The following ELP3 variants were observed in gnomAD, a reference collection of about 807,000 sequenced individuals.
The protein encoded by ELP3 is elongator complex protein 3.
In ELP3, 56 loss-of-function variants were observed where a neutral mutation model predicts 74.9. That is an observed-to-expected ratio of 0.75 (90% confidence interval 0.60 to 0.93). The LOEUF is 0.93. Among genes scored for constraint, ELP3 ranks in the 40% least tolerant of loss-of-function variants. The pLI is 0.00. For synonymous variants in ELP3, 222 were observed against 239.8 expected, an observed-to-expected ratio of 0.93 and a Z score of 0.68; for missense variants, 573 against 686.5, an observed-to-expected ratio of 0.83 and a Z score of 1.85.
intron 11 of ELP3, among the ~76,000 whole-genome samples, chr8:28,157,440 T>A (rs1019416673): frequency 6.6e-6 from 1 of 152,198 alleles, no homozygotes. Context: ...ATTGATCATC[T>A]TCGTCTGCTG....
At chr8:28,122,229 A>G (rs962985920) in intron 7 of ELP3, among the ~76,000 whole-genome samples, 1 of 152,186 alleles carries the variant, frequency 6.6e-6, no homozygotes, top group African/African-American at 2.4e-5. Context: ...CTGTGTTCAT[A>G]CAGGGTGGTG....
At chr8:28,167,528 G>A (rs1375864844) in intron 14 of ELP3, among the ~76,000 whole-genome samples, 1 of 152,096 alleles carries the variant, frequency 6.6e-6, no homozygotes, top group Non-Finnish European at 1.5e-5. Flanking sequence ...TCATAACTAC[G>A]TTTGTCTGAA....
intron 7 of ELP3, among the ~76,000 whole-genome samples, chr8:28,124,824 G>T (rs866985189): frequency 6.6e-6 from 1 of 152,090 alleles, no homozygotes; most frequent in Admixed American, 6.5e-5. Context: ...CCACCAGGTT[G>T]GTTTTTCATA....
intron 10 of ELP3, among the ~76,000 whole-genome samples, chr8:28,146,148 C>T (rs1813423016): frequency 6.6e-6 from 1 of 151,962 alleles, no homozygotes; most frequent in African/African-American, 2.4e-5. Context: ...GAACATCTTC[C>T]AGGGTGTTTT....
At chr8:28,158,485 AAATAAAG>A (rs149274779) in intron 11 of ELP3, 76 bp from the exon 12 acceptor site, 298,150 of 992,408 alleles carry the variant, frequency 0.3, 48,560 homozygotes, top group East Asian at 0.62. Flanking sequence ...GTTTAAATAA[AAATAAAG>A]ATTGAATTGG....
At chr8:28,100,711 A>G (rs1811444241) in intron 3 of ELP3, among the ~76,000 whole-genome samples, 1 of 152,274 alleles carries the variant, frequency 6.6e-6, no homozygotes, top group Non-Finnish European at 1.5e-5. Context: ...CAGAAAATTA[A>G]TTTGGATACA....
At chr8:28,101,761 T>G (rs1811498705) in intron 3 of ELP3, among the ~76,000 whole-genome samples, 1 of 152,180 alleles carries the variant, frequency 6.6e-6, no homozygotes, top group Admixed American at 6.5e-5. Context: ...AGCTAATTTT[T>G]GTATTTTCAG....
intron 10 of ELP3, among the ~76,000 whole-genome samples, chr8:28,142,992 T>G (rs1241635197): frequency 2.6e-5 from 4 of 152,230 alleles, no homozygotes; most frequent in Non-Finnish European, 4.4e-5. Context: ...TACTAAACTA[T>G]TACTCTGACT....
At chr8:28,115,906 G>T (rs1812112059) in intron 7 of ELP3, among the ~76,000 whole-genome samples, 1 of 152,164 alleles carries the variant, frequency 6.6e-6, no homozygotes, top group Admixed American at 6.5e-5. Context: ...TTTATATGGG[G>T]TGAGGGTTTC....
chr8:28,183,512 C>A (rs891274916), intron 14 of ELP3, among the ~76,000 whole-genome samples: 17 of 152,188 alleles, frequency 1.1e-4, no homozygotes, highest in African/African-American at 4.1e-4. Context: ...CAACCTCTGC[C>A]TCCTGGGTTC....
At chr8:28,155,022 A>G (rs946386845) in intron 10 of ELP3, among the ~76,000 whole-genome samples, 3 of 152,246 alleles carry the variant, frequency 2.0e-5, no homozygotes, top group East Asian at 1.9e-4. Flanking sequence ...TATTAAAATC[A>G]AATGGATGAA....
chr8:28,152,833 G>A (rs1166383108), intron 10 of ELP3, among the ~76,000 whole-genome samples: 1 of 152,112 alleles, frequency 6.6e-6, no homozygotes, highest in African/African-American at 2.4e-5. Context: ...GTGCTCAGCA[G>A]CATGAAGTTT....
At chr8:28,118,112 A>G (rs1183552934) in intron 7 of ELP3, among the ~76,000 whole-genome samples, 1 of 152,180 alleles carries the variant, frequency 6.6e-6, no homozygotes, top group Non-Finnish European at 1.5e-5. Flanking sequence ...TTGCTTGCTG[A>G]CTACATAGAT....
At chr8:28,130,805 G>A (rs1338208602) in intron 8 of ELP3, among the ~76,000 whole-genome samples, 1 of 152,160 alleles carries the variant, frequency 6.6e-6, no homozygotes, top group Non-Finnish European at 1.5e-5. Context: ...AGAGATGGGA[G>A]TGCCATAGCA....
chr8:28,181,225 C>T (rs1814998748), intron 14 of ELP3, among the ~76,000 whole-genome samples: 1 of 152,208 alleles, frequency 6.6e-6, no homozygotes, highest in Admixed American at 6.5e-5. Context: ...CATAATCAAG[C>T]CTGAAGTCAT....
chr8:28,118,271 G>C (rs1038123745), intron 7 of ELP3, among the ~76,000 whole-genome samples: 1 of 152,076 alleles, frequency 6.6e-6, no homozygotes, highest in Admixed American at 6.5e-5. Flanking sequence ...TGCTGTGTTG[G>C]CTCAGGTGTC....
upstream of ELP3, among the ~76,000 whole-genome samples, chr8:28,091,236 G>A (rs1487596006): frequency 6.6e-6 from 1 of 151,984 alleles, no homozygotes; most frequent in Admixed American, 6.6e-5. Context: ...TTTAAGAGTC[G>A]GTTCTGTGCT....
chr8:28,158,533 C>T, intron 11 of ELP3, 35 bp from the exon 12 acceptor site: 1 of 1,490,698 alleles, frequency 6.7e-7, no homozygotes, highest in Non-Finnish European at 9.3e-7. Flanking sequence ...CCCCTCCCAC[C>T]CCCCAACCCC....
rs535481677 is a variant in ELP3, at chr8:28,117,963, C to T, written c.617+4790C>T. Among the ~76,000 whole-genome samples, 3 of 152,308 alleles carry T rather than the reference C, an allele frequency of 2.0e-5. No homozygotes were observed. In the East Asian group the frequency reaches 5.8e-4, roughly 29 times the overall value. ...TGTGGTTTTGACATAATGTGGCCCT[C>T]GGAAATGTTTGGATTTGACCTTGCC... On this transcript the variant is annotated intron_variant, in intron 7 of 14. Coordinates refer to ENST00000256398, the MANE Select transcript of ELP3 (RefSeq NM_018091.6).
Sources: allele counts gnomAD v4.1 joint callset (sites outside exome capture counted in the v4.1 genomes callset), GRCh38; gene constraint gnomAD v4.1.1; transcripts MANE v1.5; gene names NCBI Gene and HGNC (gene_info 2026-07-23, HGNC 2026-07-21).